KAZN: variants seen among roughly 807,000 people sequenced by gnomAD.
KAZN encodes kazrin.
A neutral mutation model predicts 87.4 loss-of-function variants in KAZN; 40 were observed. The observed-to-expected ratio is 0.46, with a 90% CI of 0.36 to 0.60. KAZN has a LOEUF of 0.60. Among genes scored for constraint, KAZN ranks in the 20% least tolerant of loss-of-function variants. The probability of loss-of-function intolerance (pLI) is 0.00; values close to 1 mark genes in which losing one functional copy is unlikely to be tolerated. For synonymous variants in KAZN, 466 were observed against 458.3 expected (o/e 1.02, Z -0.22); for missense variants, 898 against 1,073.9 (o/e 0.84, Z 2.29).
intron 1 of KAZN, among the ~76,000 whole-genome samples, chr1:14,079,601 T>G (rs1226345482): frequency 6.6e-6 from 1 of 152,192 alleles, no homozygotes; most frequent in African/African-American, 2.4e-5. Context: ...AAAACCAGAA[T>G]GCTAGAAACG....
intron 1 of KAZN, among the ~76,000 whole-genome samples, chr1:14,890,107 G>A (rs1460856658): frequency 2.6e-5 from 4 of 152,168 alleles, no homozygotes; most frequent in Non-Finnish European, 1.5e-5. Context: ...CTTACCACAG[G>A]GACCCTGAGG....
intron 1 of KAZN, among the ~76,000 whole-genome samples, chr1:13,929,703 T>G (rs1175324970): frequency 6.6e-6 from 1 of 152,062 alleles, no homozygotes; most frequent in African/African-American, 2.4e-5. Flanking sequence ...GTGGTTGGCA[T>G]AGGAAAGGGA....
intron 1 of KAZN, among the ~76,000 whole-genome samples, chr1:14,103,973 C>G (rs1644314964): frequency 1.3e-5 from 2 of 152,100 alleles, no homozygotes; most frequent in Admixed American, 1.3e-4. Context: ...TGCAGGCAGA[C>G]AAATAGGCAA....
chr1:14,049,364 T>C (rs1335062309), intron 1 of KAZN, among the ~76,000 whole-genome samples: 2 of 152,158 alleles, frequency 1.3e-5, no homozygotes, highest in East Asian at 3.9e-4. Flanking sequence ...ATACCTAATG[T>C]TAAATGACAA....
At chr1:13,915,040 G>C (rs912556281) in intron 1 of KAZN, among the ~76,000 whole-genome samples, 1 of 152,224 alleles carries the variant, frequency 6.6e-6, no homozygotes, top group Non-Finnish European at 1.5e-5. Context: ...TGCTAAGTTA[G>C]TGGTGATTTG....
intron 2 of KAZN, among the ~76,000 whole-genome samples, chr1:14,481,976 C>T (rs58331123): frequency 0.038 from 5,724 of 152,274 alleles, 144 homozygotes; most frequent in African/African-American, 0.056. Context: ...AAGACAGACC[C>T]GTGGCTTTCC....
At chr1:14,198,864 A>C (rs1253100051) in intron 2 of KAZN, among the ~76,000 whole-genome samples, 2 of 152,118 alleles carry the variant, frequency 1.3e-5, no homozygotes, top group Non-Finnish European at 2.9e-5. Flanking sequence ...AGAGAGGTTA[A>C]ATAAGTTACT....
chr1:14,021,639 A>G (rs2101256995), intron 1 of KAZN, among the ~76,000 whole-genome samples: 1 of 152,316 alleles, frequency 6.6e-6, no homozygotes, highest in Admixed American at 6.5e-5. Flanking sequence ...TAAAACCACA[A>G]GATCAGAACA....
At position 14,808,719 on chromosome 1, in the gene KAZN, A is replaced by C. The variant is rs1646308195; in HGVS notation, c.227-151965A>C. ...AAAAGAAATTATAATATATTATTTG[A>C]GATACTTTGGGCCACAGATAACAGA... On this transcript the variant is annotated intron_variant, in intron 1 of 14. Transcript: ENST00000376030. Among the ~76,000 whole-genome samples, 3 of 152,330 alleles carry C rather than the reference A, an allele frequency of 2.0e-5. No individual in the cohort carries two copies. In the South Asian group the frequency reaches 6.2e-4, roughly 32 times the overall value.
intron 1 of KAZN, among the ~76,000 whole-genome samples, chr1:13,968,110 A>G (rs2076503): frequency 0.21 from 31,582 of 152,012 alleles, 3,551 homozygotes; most frequent in African/African-American, 0.29. Context: ...GAGTTTTTAA[A>G]TGGTTCCCAG....
chr1:14,390,247 AC>A (rs1226462638), intron 2 of KAZN, among the ~76,000 whole-genome samples: 18 of 152,378 alleles, frequency 1.2e-4, no homozygotes, highest in African/African-American at 4.3e-4. Flanking sequence ...AGTAAAACAT[AC>A]AAAAAACAGG....
chr1:15,049,756 G>A (rs552771516), intron 4 of KAZN, among the ~76,000 whole-genome samples: 25 of 152,136 alleles, frequency 1.6e-4, no homozygotes, highest in Admixed American at 3.3e-4. Context: ...AGGTGTGGTG[G>A]CACACACCTG....
intron 2 of KAZN, among the ~76,000 whole-genome samples, chr1:14,437,445 A>G (rs1357264299): frequency 6.6e-6 from 1 of 152,238 alleles, no homozygotes; most frequent in Non-Finnish European, 1.5e-5. Flanking sequence ...TTTATGCTGG[A>G]CAAAGAGAAT....
At chr1:14,794,627 T>C (rs1424684979) in intron 1 of KAZN, among the ~76,000 whole-genome samples, 1 of 152,212 alleles carries the variant, frequency 6.6e-6, no homozygotes, top group African/African-American at 2.4e-5. Flanking sequence ...GGCAGAGTCA[T>C]GGGAGTCGGC....
intron 1 of KAZN, among the ~76,000 whole-genome samples, chr1:13,976,388 CCTT>C (rs1638359502): frequency 1.3e-5 from 2 of 152,010 alleles, no homozygotes; most frequent in South Asian, 4.2e-4. Flanking sequence ...GAAATGACCT[CCTT>C]GTCAAGAAAA....
chr1:14,838,868 C>T (rs1234816252), intron 1 of KAZN, among the ~76,000 whole-genome samples: 1 of 152,140 alleles, frequency 6.6e-6, no homozygotes, highest in Non-Finnish European at 1.5e-5. Context: ...ATGATCCGCC[C>T]ACTTTGGCCT....
At chr1:14,179,152 A>C (rs887288749) in intron 1 of KAZN, among the ~76,000 whole-genome samples, 7 of 152,208 alleles carry the variant, frequency 4.6e-5, no homozygotes, top group African/African-American at 1.7e-4. Context: ...TTCAGCCAGC[A>C]ACTCAAAGGC....
intron 1 of KAZN, chr1:14,945,840 C>T (rs1156824225): frequency 1.0e-5 from 10 of 984,672 alleles, no homozygotes; most frequent in African/African-American, 5.2e-5. Flanking sequence ...CGCTCCGGCC[C>T]GGAAGACTTG....
chr1:14,124,065 C>T (rs1557493905), intron 1 of KAZN, among the ~76,000 whole-genome samples: 1 of 152,234 alleles, frequency 6.6e-6, no homozygotes, highest in African/African-American at 2.4e-5. Context: ...TTCCAAGATG[C>T]ATTTCACATG....
Sources: gnomAD v4.1 joint callset for allele counts (sites outside exome capture counted in the v4.1 genomes callset) on GRCh38, gnomAD v4.1.1 for gene constraint, MANE v1.5 for transcripts, NCBI Gene and HGNC (gene_info 2026-07-23, HGNC 2026-07-21) for gene names.